Variants in UNC5C observed in about 807,000 individuals in gnomAD.
The protein encoded by UNC5C is unc-5 netrin receptor C, also known as netrin receptor UNC5C.
A neutral mutation model predicts 99.8 loss-of-function variants in UNC5C; 47 were observed. The ratio of observed to expected loss-of-function variants is 0.47; its 90% CI spans 0.37 to 0.60. UNC5C has a LOEUF of 0.60. UNC5C is among the 20% of genes least tolerant of loss of function. The pLI is 0.00. For missense variants in UNC5C, 1,062 were observed against 1,165.9 expected (o/e 0.91, Z 1.30); for synonymous variants, 487 against 452.2 (o/e 1.08, Z -0.98).
chr4:95,304,769 A>G (rs1463614403), intron 2 of UNC5C, among the ~76,000 whole-genome samples: 1 of 152,230 alleles, frequency 6.6e-6, no homozygotes, highest in Non-Finnish European at 1.5e-5. Flanking sequence ...TCTTTATACG[A>G]TGCAGAGCAG....
chr4:95,394,442 G>A (rs540412552), intron 1 of UNC5C, among the ~76,000 whole-genome samples: 32 of 152,278 alleles, frequency 2.1e-4, no homozygotes, highest in African/African-American at 6.5e-4. Flanking sequence ...GCCAAAGGGC[G>A]AAAACTGGAG....
intron 1 of UNC5C, among the ~76,000 whole-genome samples, chr4:95,548,469 A>C (rs1723135017): frequency 6.6e-6 from 1 of 152,064 alleles, no homozygotes; most frequent in African/African-American, 2.4e-5. Context: ...ACACGTATGG[A>C]GACGGATCGG....
chr4:95,469,996 C>T (rs1747917146), intron 1 of UNC5C, among the ~76,000 whole-genome samples: 1 of 152,098 alleles, frequency 6.6e-6, no homozygotes, highest in Admixed American at 6.6e-5. Flanking sequence ...TTTTATGCAG[C>T]TATTATTTAA....
intron 1 of UNC5C, among the ~76,000 whole-genome samples, chr4:95,547,498 T>C (rs899705732): frequency 6.6e-6 from 1 of 152,122 alleles, no homozygotes; most frequent in Non-Finnish European, 1.5e-5. Flanking sequence ...AGCCTCCCTT[T>C]ACTCTCCAAA....
chr4:95,533,057 A>G (rs1252821840), intron 1 of UNC5C, among the ~76,000 whole-genome samples: 3 of 152,146 alleles, frequency 2.0e-5, no homozygotes, highest in African/African-American at 4.8e-5. Flanking sequence ...AGAAATGGAC[A>G]TATTTTTAAA....
intron 1 of UNC5C, among the ~76,000 whole-genome samples, chr4:95,406,656 A>G (rs1325220042): frequency 6.6e-6 from 1 of 152,180 alleles, no homozygotes; most frequent in Admixed American, 6.5e-5. Context: ...AAGCCACTCT[A>G]CTTCATTAAC....
At chr4:95,411,179 T>C (rs978037220) in intron 1 of UNC5C, among the ~76,000 whole-genome samples, 3 of 152,158 alleles carry the variant, frequency 2.0e-5, no homozygotes, top group African/African-American at 7.2e-5. Flanking sequence ...ATGGATGTCT[T>C]CCAATGTCTT....
At chr4:95,454,341 C>A (rs1379442345) in intron 1 of UNC5C, among the ~76,000 whole-genome samples, 1 of 151,944 alleles carries the variant, frequency 6.6e-6, no homozygotes, top group African/African-American at 2.4e-5. Flanking sequence ...GGAGAATATG[C>A]AGAATATTTG....
chr4:95,254,296 C>G (rs1278961842), intron 4 of UNC5C, among the ~76,000 whole-genome samples: 1 of 152,184 alleles, frequency 6.6e-6, no homozygotes, highest in Non-Finnish European at 1.5e-5. Flanking sequence ...AGTTCCATGA[C>G]CCTCCATCCT....
intron 1 of UNC5C, among the ~76,000 whole-genome samples, chr4:95,495,456 C>T (rs1278598912): frequency 1.3e-5 from 2 of 151,514 alleles, no homozygotes; most frequent in Admixed American, 1.3e-4. Context: ...ACTGATGAAA[C>T]CCCTGAGGAT....
intron 3 of UNC5C, among the ~76,000 whole-genome samples, chr4:95,300,180 A>G (rs1008225858): frequency 3.3e-5 from 5 of 152,340 alleles, no homozygotes; most frequent in Admixed American, 6.5e-5. Context: ...ACATTTCTCA[A>G]TATGAAACCT....
chr4:95,284,178 A>G (rs1314589838), intron 3 of UNC5C, among the ~76,000 whole-genome samples: 2 of 152,190 alleles, frequency 1.3e-5, no homozygotes, highest in African/African-American at 2.4e-5. Flanking sequence ...TGCAGAATAC[A>G]TGATTCATGG....
intron 3 of UNC5C, among the ~76,000 whole-genome samples, chr4:95,289,606 T>G (rs1389400113): frequency 1.3e-5 from 2 of 152,234 alleles, no homozygotes; most frequent in Admixed American, 1.3e-4. Flanking sequence ...AAAGTGCTCC[T>G]CTAGCAAATG....
chr4:95,402,856 C>T (rs904519393), intron 1 of UNC5C, among the ~76,000 whole-genome samples: 4 of 152,124 alleles, frequency 2.6e-5, no homozygotes, highest in Non-Finnish European at 5.9e-5. Context: ...GAGATTGCTC[C>T]CTTTATTCTA....
At chr4:95,500,692 T>C (rs1721754773) in intron 1 of UNC5C, among the ~76,000 whole-genome samples, 1 of 152,154 alleles carries the variant, frequency 6.6e-6, no homozygotes, top group African/African-American at 2.4e-5. Context: ...TTATAAGGCC[T>C]ATCAAAACTT....
chr4:95,310,930 A>G (rs921619376), intron 2 of UNC5C, among the ~76,000 whole-genome samples: 2 of 152,116 alleles, frequency 1.3e-5, no homozygotes, highest in Non-Finnish European at 2.9e-5. Context: ...AATAAAACTT[A>G]CTCTGGCAAT....
intron 12 of UNC5C, among the ~76,000 whole-genome samples, chr4:95,187,542 A>C (rs1028666506): frequency 2.6e-5 from 4 of 152,208 alleles, no homozygotes; most frequent in African/African-American, 9.6e-5. Context: ...CAAACTGCCT[A>C]TTGGCCATGA....
chr4:95,427,381 A>G (rs563029756), intron 1 of UNC5C, among the ~76,000 whole-genome samples: 67 of 152,332 alleles, frequency 4.4e-4, no homozygotes, highest in African/African-American at 1.5e-3. Context: ...AAGTTCTACT[A>G]TGGGTAAAAT....
intron 2 of UNC5C, among the ~76,000 whole-genome samples, chr4:95,324,619 C>T (rs911418981): frequency 2.6e-5 from 4 of 152,080 alleles, no homozygotes; most frequent in Non-Finnish European, 4.4e-5. Flanking sequence ...CCCTCAAATT[C>T]GTATGTTGAA....
Sources: gnomAD v4.1 joint callset for allele counts (sites outside exome capture counted in the v4.1 genomes callset) on GRCh38, gnomAD v4.1.1 for gene constraint, MANE v1.5 for transcripts, NCBI Gene and HGNC (gene_info 2026-07-23, HGNC 2026-07-21) for gene names.